LDLRAD2: variants seen among roughly 807,000 people sequenced by gnomAD.
LDLRAD2 encodes the protein low density lipoprotein receptor class A domain containing 2.
A neutral mutation model predicts 24.9 loss-of-function variants in LDLRAD2; 25 were observed. The ratio of observed to expected loss-of-function variants is 1.00; its 90% confidence interval spans 0.73 to 1.40. LDLRAD2 has a LOEUF of 1.40. Ranked by LOEUF, LDLRAD2 falls within the 40% of genes most tolerant of loss-of-function variation. The pLI is 0.00. For missense variants in LDLRAD2, 391 were observed against 366.2 expected, an observed-to-expected ratio of 1.07 and a Z score of -0.55; for synonymous variants, 182 against 166.7, an observed-to-expected ratio of 1.09 and a Z score of -0.71.
At chr1:21,817,368 G>C (rs1353315285) in intron 3 of LDLRAD2, among the ~76,000 whole-genome samples, 1 of 152,014 alleles carries the variant, frequency 6.6e-6, no homozygotes, top group Non-Finnish European at 1.5e-5. Context: ...TTTGAGATAG[G>C]TTCTCATTCT....
At chr1:21,819,672 C>T (rs554865306) in intron 3 of LDLRAD2, among the ~76,000 whole-genome samples, 4 of 151,656 alleles carry the variant, frequency 2.6e-5, no homozygotes, top group Admixed American at 6.6e-5. Context: ...ATGGAATTGA[C>T]GGAGTTGATG....
At position 21,824,880 on chromosome 1, in the gene LDLRAD2, G is replaced by A; in HGVS notation, c.*2665G>A. 8.9e-7 allele frequency: 1 copy of A among 1,121,444 alleles called. No individual in the cohort carries two copies. Among genetic ancestry groups the A allele is most frequent in the Non-Finnish European group, 1.3e-6 (1 of 757,648 alleles). 69.5% of individuals were successfully genotyped at this position (1,121,444 alleles called of 1,614,324 possible). ...ACCTCCACGCCAACATGCAGGACTA[G>A]GGGGCTCCGAGCCTGCAGTCCCTGG... is the stretch of plus-strand genomic sequence containing the variant. On this transcript the variant is annotated 3_prime_UTR_variant, in exon 5 of 5. Coordinates refer to ENST00000344642, the MANE Select transcript of LDLRAD2 (RefSeq NM_001013693.3). This position sits in a 1 kb window ranked among gnomAD's most constrained non-coding sequence, Gnocchi z 5.9.
Position 21,823,954 on chromosome 1 carries a change from C to A in LDLRAD2, c.*1739C>A. ...GCACTCGCCTGCCCCCAGCGGAGTT[C>A]AGTCCGAGATGGAAGCCCGAGCCCT... On this transcript the variant is annotated 3_prime_UTR_variant, in exon 5 of 5. Coordinates refer to ENST00000344642, the MANE Select transcript of LDLRAD2 (RefSeq NM_001013693.3). 2 of 796,674 alleles carry A rather than the reference C, an allele frequency of 2.5e-6. No homozygotes were observed. The highest frequency in any genetic ancestry group is 1.5e-5 in the South Asian group (1 of 64,662). The allele number at this position is 796,674 out of a possible 1,614,324, so 49.4% of individuals were successfully genotyped here. A position where few individuals can be genotyped will look rare whatever the true frequency, so the allele number is the denominator to read the frequency against.
chr1:21,822,974 G>A lies in LDLRAD2; in HGVS notation c.*759G>A. The A allele has an allele frequency of 4.5e-6, 1 of 223,558 alleles. No homozygotes were observed. Among genetic ancestry groups the A allele is most frequent in the Non-Finnish European group, 8.8e-6 (1 of 113,914 alleles). The allele number at this position is 223,558 out of a possible 1,614,324, so 13.8% of individuals were successfully genotyped here. On this transcript the variant is annotated 3_prime_UTR_variant, in exon 5 of 5. Transcript: ENST00000344642. ...TAGGAGTGAGAACTGCCCAAGGGCT[G>A]CAGAAACAGGCCACCCAGCTCTATC...
In LDLRAD2 at chr1:21,824,087, GGCCCCATCCCGAGT is replaced by G; in HGVS notation, c.*1877_*1890del. 6.3e-7 allele frequency: 1 copy of G among 1,589,070 alleles called. No homozygotes were observed. The highest frequency in any genetic ancestry group is 8.6e-7 in the Non-Finnish European group (1 of 1,162,292). ...CGTCCTGCCCCACTCCAGAACGCTGGGCCCCATCCCGAGTGCCCGGCAGGGTCCCTTACCGCAGT... is the reference window on the plus strand; with the variant it reads ...CGTCCTGCCCCACTCCAGAACGCTGGGCCCGGCAGGGTCCCTTACCGCAGT... On this transcript the variant is annotated 3_prime_UTR_variant, in exon 5 of 5. Transcript: ENST00000344642. The surrounding 1 kb of genome is among the most constrained non-coding windows in gnomAD (Gnocchi z 5.9).
At chr1:21,821,729 C>T (rs1331177320) in intron 4 of LDLRAD2, 118 bp downstream of exon 4, 27 of 1,529,682 alleles carry the variant, frequency 1.8e-5, no homozygotes, top group Non-Finnish European at 2.4e-5. Flanking sequence ...CACAGGCCCC[C>T]AGCTCTGAGG....
intron 3 of LDLRAD2, among the ~76,000 whole-genome samples, chr1:21,819,869 C>T (rs938093734): frequency 7.2e-5 from 11 of 152,198 alleles, no homozygotes; most frequent in African/African-American, 2.7e-4. Flanking sequence ...ATGCTGGCAT[C>T]TGCTCAGCTT....
At position 21,822,389 on chromosome 1, in the gene LDLRAD2, C is replaced by CCCCATCTGCAGG; in HGVS notation, c.*174_*175insCCCATCTGCAGG. On this transcript the variant is annotated 3_prime_UTR_variant, in exon 5 of 5. Coordinates refer to ENST00000344642, the MANE Select transcript of LDLRAD2 (RefSeq NM_001013693.3). ...CTTGAGCTGGATCTTCAGGCTCCTG[C>CCCCATCTGCAGG]AGATGGGGCAGGGTGGTCATATCCC... The CCCCATCTGCAGG allele has an allele frequency of 1.5e-6, 1 of 659,220 alleles. No individual in the cohort carries two copies. The highest frequency in any genetic ancestry group is 2.7e-6 in the Non-Finnish European group (1 of 370,468). The allele number at this position is 659,220 out of a possible 1,614,324, so 40.8% of individuals were successfully genotyped here. A position where few individuals can be genotyped will look rare whatever the true frequency, so the allele number is the denominator to read the frequency against.
chr1:21,820,330 T>TC (rs1445061470), intron 3 of LDLRAD2, among the ~76,000 whole-genome samples: 3 of 151,532 alleles, frequency 2.0e-5, no homozygotes, highest in Admixed American at 1.3e-4. Context: ...GGTCAGGAGA[T>TC]CGAGACCACA....
At chr1:21,812,988 C>G (rs2097940076) in intron 1 of LDLRAD2, among the ~76,000 whole-genome samples, 1 of 152,220 alleles carries the variant, frequency 6.6e-6, no homozygotes. Flanking sequence ...TTCATAATAC[C>G]TGGCACATAA....
In LDLRAD2 at chr1:21,814,755, TG is replaced by T; in HGVS notation, c.444del (p.Arg149AlafsTer86). On this transcript the variant is annotated frameshift_variant, in exon 2 of 5. Coordinates refer to ENST00000344642, the MANE Select transcript of LDLRAD2 (RefSeq NM_001013693.3). LOFTEE classifies it high-confidence loss of function. ...GCATCCTCCGGACCCTTTCTAGGCC[TG>T]CGCCTGGTCACGAGAGGCCGCCAGC... ...PVASSGPFLG[L>X]RLVTRGRQPR... The T allele has an allele frequency of 6.6e-7, 1 of 1,515,698 alleles. No individual in the cohort carries two copies. The highest frequency in any genetic ancestry group is 2.4e-5 in the Admixed American group (1 of 41,686). 93.9% of individuals were successfully genotyped at this position (1,515,698 alleles called of 1,614,324 possible). A position where few individuals can be genotyped will look rare whatever the true frequency, so the allele number is the denominator to read the frequency against.
intron 3 of LDLRAD2, among the ~76,000 whole-genome samples, chr1:21,816,348 A>G (rs2097943982): frequency 6.6e-6 from 1 of 152,210 alleles, no homozygotes; most frequent in Non-Finnish European, 1.5e-5. Context: ...CAAAGGAGAT[A>G]TCCTCTGCTT....
At position 21,823,771 on chromosome 1, in the gene LDLRAD2, G is replaced by A. The variant is rs373736996; in HGVS notation, c.*1556G>A. On this transcript the variant is annotated 3_prime_UTR_variant, in exon 5 of 5. Coordinates refer to ENST00000344642, the MANE Select transcript of LDLRAD2 (RefSeq NM_001013693.3). ...TTCCACAAACTTCCTGGTCCTCCCC[G>A]GCCCCACGACAGAGTCCCCTCCCTC... 1.2e-3 allele frequency: 1,762 copies of A among 1,420,256 alleles called. 2 individuals are homozygous for A. Among genetic ancestry groups the A allele is most frequent in the Middle Eastern group, 3.8e-3 (21 of 5,558 alleles). The allele number at this position is 1,420,256 out of a possible 1,614,324, so 88.0% of individuals were successfully genotyped here.
chr1:21,812,398 C>T lies in LDLRAD2; in HGVS notation c.-54C>T. 6.8e-7 allele frequency: 1 copy of T among 1,476,072 alleles called. No homozygotes were observed. The highest frequency in any genetic ancestry group is 9.5e-7 in the Non-Finnish European group (1 of 1,056,538). The allele number at this position is 1,476,072 out of a possible 1,614,324, so 91.4% of individuals were successfully genotyped here. On this transcript the variant is annotated 5_prime_UTR_variant, in exon 1 of 5. Transcript: ENST00000344642. ...CCCATACTCCAGTCTCCCCAGAGAC[C>T]CCAAGCTGAAGATTCTGTGGGTCTG...
rs919018501 is a variant in LDLRAD2, at chr1:21,818,825, G to A, written c.644-2625G>A. ...GGGCTCAAAGGCCCTGCACGATCTG[G>A]CCCTGCCCCTTCTTTCCTGGCCTCG... On this transcript the variant is annotated intron_variant, in intron 3 of 4. Coordinates refer to ENST00000344642, the MANE Select transcript of LDLRAD2 (RefSeq NM_001013693.3). Among the ~76,000 whole-genome samples, 5 of 151,704 alleles carry A rather than the reference G, an allele frequency of 3.3e-5. No individual in the cohort carries two copies. The South Asian group carries it at 6.3e-4, about 19-fold the overall frequency.
intron 3 of LDLRAD2, among the ~76,000 whole-genome samples, chr1:21,818,738 C>T (rs1157846695): frequency 6.6e-6 from 1 of 152,158 alleles, no homozygotes; most frequent in Non-Finnish European, 1.5e-5. Flanking sequence ...AACAGTAAAT[C>T]AGGTTATGTC....
rs1209597796 is a variant in LDLRAD2, at chr1:21,823,270, T to C, written c.*1055T>C. Reference sequence around the variant, plus strand: ...ATTAATAATAATATACTCGACATTGTCGGGCTGGGGCGTGGCCCGGGAGTC... The same window carrying C: ...ATTAATAATAATATACTCGACATTGCCGGGCTGGGGCGTGGCCCGGGAGTC... On this transcript the variant is annotated 3_prime_UTR_variant, in exon 5 of 5. Coordinates refer to ENST00000344642, the MANE Select transcript of LDLRAD2 (RefSeq NM_001013693.3). The C allele has an allele frequency of 7.0e-7, 1 of 1,431,950 alleles. No homozygotes were observed. The highest frequency in any genetic ancestry group is 2.7e-5 in the Admixed American group (1 of 36,792). The allele number at this position is 1,431,950 out of a possible 1,614,324, so 88.7% of individuals were successfully genotyped here. A position where few individuals can be genotyped will look rare whatever the true frequency, so the allele number is the denominator to read the frequency against.
At position 21,823,460 on chromosome 1, in the gene LDLRAD2, G is replaced by A. The variant is rs778590896; in HGVS notation, c.*1245G>A. The A allele has an allele frequency of 2.1e-5, 34 of 1,596,174 alleles. No homozygotes were observed. In the Middle Eastern group the frequency reaches 8.2e-4, roughly 39 times the overall value. ...TGATGCCTGAGGAGAATCTGCCCCC[G>A]GTCAGCGTGGCCACGTCAGGGGCTC... is the stretch of plus-strand genomic sequence containing the variant. On this transcript the variant is annotated 3_prime_UTR_variant, in exon 5 of 5. Transcript: ENST00000344642.
At position 21,814,685 on chromosome 1, in the gene LDLRAD2, C is replaced by T. The variant is rs894020847; in HGVS notation, c.373C>T (p.Pro125Ser). Reference sequence around the variant, plus strand: ...CGAGGGCCCGCCGGGGGCGCCCCGGCCCCTGGGGTCCCCACTGTGCGGCCT... The same window carrying T: ...CGAGGGCCCGCCGGGGGCGCCCCGGTCCCTGGGGTCCCCACTGTGCGGCCT... ...FYEGPPGAPR[P>S]LGSPLCGLNI... The change falls in exon 2 of 5, where the codon CCC (proline) becomes TCC (serine). Residue 125 changes from proline (P) to serine (S), a missense_variant. Pro to Ser is a moderately conservative substitution (Grantham distance 74). Coordinates refer to ENST00000344642, the MANE Select transcript of LDLRAD2 (RefSeq NM_001013693.3). The T allele has an allele frequency of 3.2e-6, 5 of 1,572,958 alleles. No homozygotes were observed. In the African/African-American group the frequency reaches 5.4e-5, roughly 17 times the overall value.
Sources: allele counts gnomAD v4.1 joint callset (sites outside exome capture counted in the v4.1 genomes callset), GRCh38; gene constraint gnomAD v4.1.1; non-coding constraint Gnocchi (gnomAD v3.1); transcripts MANE v1.5; gene names NCBI Gene and HGNC (gene_info 2026-07-23, HGNC 2026-07-21).